The following KRTAP4-7 variants were observed in gnomAD, a reference collection of about 807,000 sequenced individuals.
The protein encoded by KRTAP4-7 is putative keratin-associated protein 4-X.
In KRTAP4-7, 1 loss-of-function variant was observed where a neutral mutation model predicts 3.0. That is an observed-to-expected ratio of 0.33 (90% CI 0.12 to 1.57). The LOEUF is 1.57. KRTAP4-7 is among the 40% of genes most tolerant of loss of function. The pLI, the probability that KRTAP4-7 is intolerant of heterozygous loss-of-function variation, is 0.37. For missense variants in KRTAP4-7, 199 were observed against 209.1 expected, an observed-to-expected ratio of 0.95 and a Z score of 0.30; for synonymous variants, 70 against 74.6, an observed-to-expected ratio of 0.94 and a Z score of 0.32.
exon 1 of KRTAP4-7, chr17:41,084,272 G>A: frequency 6.2e-7 from 1 of 1,613,578 alleles, no homozygotes; most frequent in Non-Finnish European, 8.5e-7. Flanking sequence ...TCTGTCAGGA[G>A]ACCTGCTGCC....
exon 1 of KRTAP4-7, chr17:41,084,611 T>C: frequency 1.3e-6 from 2 of 1,599,374 alleles, no homozygotes; most frequent in Admixed American, 3.4e-5. Flanking sequence ...CCACTTGCTA[T>C]CGCCCAACCT....
exon 1 of KRTAP4-7, chr17:41,084,496 C>A: frequency 6.3e-7 from 1 of 1,580,718 alleles, no homozygotes; most frequent in Non-Finnish European, 8.6e-7. Context: ...TGCTGCAAGC[C>A]CCAGTGCTGC....
At position 41,084,781 on chromosome 17, in the gene KRTAP4-7, A is replaced by AGGAT. The variant is rs574485659; in HGVS notation, c.*111_*114dup. On this transcript the variant is annotated 3_prime_UTR_variant, in exon 1 of 1. Coordinates refer to ENST00000391417, the Ensembl canonical transcript of KRTAP4-7. ...TGAAGTGGGGTTGATGTCATTCAAT[A>AGGAT]GGATGGACCTTATGCTTCCAAAGAG... The AGGAT allele has an allele frequency of 2.8e-4, 409 of 1,446,414 alleles. 4 individuals are homozygous for AGGAT. The African/African-American group carries it at 5.5e-3, about 19-fold the overall frequency. 89.6% of individuals were successfully genotyped at this position (1,446,414 alleles called of 1,614,324 possible).
chr17:41,084,815 C>G lies in KRTAP4-7; in HGVS notation c.*141C>G, dbSNP rs968075931. ...CTTATGCTTCCAAAGAGCCCACCACCATTTCACTGACTCTGTGAGAACATT... is the reference window on the plus strand; with the variant it reads ...CTTATGCTTCCAAAGAGCCCACCACGATTTCACTGACTCTGTGAGAACATT... On this transcript the variant is annotated 3_prime_UTR_variant, in exon 1 of 1. Coordinates refer to ENST00000391417, the Ensembl canonical transcript of KRTAP4-7. The G allele has an allele frequency of 2.3e-6, 3 of 1,283,126 alleles. No homozygotes were observed. In the Admixed American group the frequency reaches 8.5e-5, roughly 36 times the overall value. 79.5% of individuals were successfully genotyped at this position (1,283,126 alleles called of 1,614,324 possible). A position where few individuals can be genotyped will look rare whatever the true frequency, so the allele number is the denominator to read the frequency against.
chr17:41,084,531 TGCTGCCGCCCCAGC>T lies in KRTAP4-7; in HGVS notation c.326_339del (p.Cys109LeufsTer60), dbSNP rs2013609579. The stretch of plus-strand genomic sequence containing the variant: ...CCAGTCTGTGTGCTGCCAGCCCACC[TGCTGCCGCCCCAGC>T]TGCTGCCGCCCCTGCTGCTGCCTGC... On this transcript the variant is annotated frameshift_variant, in exon 1 of 1. Coordinates refer to ENST00000391417, the Ensembl canonical transcript of KRTAP4-7. LOFTEE classifies it high-confidence loss of function. 1 of 1,308,850 alleles carries T rather than the reference TGCTGCCGCCCCAGC, an allele frequency of 7.6e-7. No homozygotes were observed. 81.1% of individuals were successfully genotyped at this position (1,308,850 alleles called of 1,614,324 possible). A position where few individuals can be genotyped will look rare whatever the true frequency, so the allele number is the denominator to read the frequency against.
At chr17:41,084,703 C>T in exon 1 of KRTAP4-7, 4 of 1,558,764 alleles carry the variant, frequency 2.6e-6, no homozygotes, top group Non-Finnish European at 3.5e-6. Flanking sequence ...CGTCCCCCTT[C>T]ACCACTGGCC....
At chr17:41,084,374 G>A in exon 1 of KRTAP4-7, 1 of 1,427,512 alleles carries the variant, frequency 7.0e-7, no homozygotes, top group East Asian at 2.7e-5. Context: ...AGTGCTGCCA[G>A]TCTGTGTGCT....
At chr17:41,084,627 A>G (rs2013616376) in exon 1 of KRTAP4-7, 7 of 1,601,168 alleles carry the variant, frequency 4.4e-6, no homozygotes, top group Non-Finnish European at 5.1e-6. Flanking sequence ...AACCTGTGTC[A>G]TCTCCACCTG....
chr17:41,084,216 T>C (rs750980974), exon 1 of KRTAP4-7: 1 of 1,607,228 alleles, frequency 6.2e-7, no homozygotes, highest in Non-Finnish European at 8.5e-7. Flanking sequence ...CATGGTCAGC[T>C]CCTGTTGTGG....
exon 1 of KRTAP4-7, chr17:41,084,718 G>T (rs1322968366): frequency 2.6e-6 from 4 of 1,543,936 alleles, no homozygotes; most frequent in South Asian, 1.2e-5. Flanking sequence ...CTGGCCCACA[G>T]ATGTAGACCC....
chr17:41,084,667 G>T (rs1450878454), exon 1 of KRTAP4-7: 5 of 1,592,696 alleles, frequency 3.1e-6, no homozygotes, highest in Non-Finnish European at 4.3e-6. Context: ...GCCTCCTCTT[G>T]CTGCTGAGCC....
exon 1 of KRTAP4-7, chr17:41,084,495 C>T (rs2013607418): frequency 1.3e-6 from 2 of 1,583,450 alleles, no homozygotes; most frequent in African/African-American, 1.4e-5. Flanking sequence ...CTGCTGCAAG[C>T]CCCAGTGCTG....
exon 1 of KRTAP4-7, chr17:41,084,252 A>T (rs11655310): frequency 1.1e-5 from 18 of 1,609,858 alleles, no homozygotes; most frequent in Non-Finnish European, 1.4e-5. Context: ...CCAGGGCTGC[A>T]GCCAAGACCT....
chr17:41,084,543 A>G, exon 1 of KRTAP4-7: 2 of 610,718 alleles, frequency 3.3e-6, no homozygotes, highest in South Asian at 2.2e-5. Flanking sequence ...CTGCCGCCCC[A>G]GCTGCTGCCG....
exon 1 of KRTAP4-7, chr17:41,084,444 T>G: frequency 7.1e-7 from 1 of 1,411,186 alleles, no homozygotes; most frequent in Non-Finnish European, 9.6e-7. Context: ...CCCTAGGTGC[T>G]GCATCTCCAG....
At chr17:41,085,096 A>G (rs781458030) in exon 1 of KRTAP4-7, 4 of 229,228 alleles carry the variant, frequency 1.7e-5, no homozygotes, top group Non-Finnish European at 3.7e-5. Flanking sequence ...TGAATTTCTT[A>G]TGCTTTGTTG....
At chr17:41,084,502 G>A (rs2013607791) in exon 1 of KRTAP4-7, 2 of 1,581,048 alleles carry the variant, frequency 1.3e-6, no homozygotes, top group East Asian at 4.5e-5. Flanking sequence ...AAGCCCCAGT[G>A]CTGCCAGTCT....
exon 1 of KRTAP4-7, chr17:41,084,877 T>C: frequency 1.2e-6 from 1 of 821,374 alleles, no homozygotes; most frequent in Non-Finnish European, 1.9e-6. Context: ...GCTTTCTTTT[T>C]CTTCTGGTGG....
chr17:41,084,782 G>A (rs1597973043), exon 1 of KRTAP4-7: 2 of 1,445,890 alleles, frequency 1.4e-6, no homozygotes, highest in African/African-American at 1.4e-5. Context: ...TCATTCAATA[G>A]GATGGACCTT....
Sources: gnomAD v4.1 joint callset for allele counts on GRCh38, gnomAD v4.1.1 for gene constraint, MANE v1.5 for transcripts, NCBI Gene and HGNC (gene_info 2026-07-23, HGNC 2026-07-21) for gene names.